MCC: variants seen among roughly 807,000 people sequenced by gnomAD.
MCC encodes colorectal mutant cancer protein.
MCC carries 90 observed loss-of-function variants against 116.2 expected under a neutral mutation model. That is an observed-to-expected ratio of 0.77 (90% CI 0.65 to 0.92). MCC has a LOEUF of 0.92. Ranked by LOEUF, MCC falls within the 40% of genes least tolerant of loss-of-function variation. The pLI, the probability that MCC is intolerant of heterozygous loss-of-function variation, is 0.00. For missense variants in MCC, 1,516 were observed against 1,312.2 expected (o/e 1.16, Z -2.40); for synonymous variants, 578 against 510.5 (o/e 1.13, Z -1.78).
chr5:113,205,477 G>T (rs1762877846), intron 3 of MCC, among the ~76,000 whole-genome samples: 1 of 152,176 alleles, frequency 6.6e-6, no homozygotes, highest in South Asian at 2.1e-4. Flanking sequence ...GTCCCTTGTG[G>T]GGCTTCCCTT....
intron 3 of MCC, among the ~76,000 whole-genome samples, chr5:113,218,917 T>C (rs932793594): frequency 1.3e-5 from 2 of 152,242 alleles, no homozygotes; most frequent in Non-Finnish European, 2.9e-5. Flanking sequence ...TAGAAGAATA[T>C]CCACAGAAAT....
chr5:113,234,976 C>T (rs1489840416), intron 3 of MCC, among the ~76,000 whole-genome samples: 1 of 152,152 alleles, frequency 6.6e-6, no homozygotes, highest in Non-Finnish European at 1.5e-5. Flanking sequence ...AGGTGGTAAC[C>T]TCAGTCTTCT....
intron 2 of MCC, among the ~76,000 whole-genome samples, chr5:113,372,821 T>C (rs1431120362): frequency 6.6e-6 from 1 of 152,028 alleles, no homozygotes; most frequent in African/African-American, 2.4e-5. Context: ...CCTCCCAAAG[T>C]GATGGGATTA....
intron 3 of MCC, among the ~76,000 whole-genome samples, chr5:113,330,947 C>G (rs991560458): frequency 6.6e-6 from 1 of 152,184 alleles, no homozygotes; most frequent in Non-Finnish European, 1.5e-5. Flanking sequence ...TCAGGTCCTA[C>G]ACATGGACCT....
chr5:113,075,723 G>A (rs1029223147), intron 11 of MCC, among the ~76,000 whole-genome samples: 15 of 152,206 alleles, frequency 9.9e-5, no homozygotes, highest in Admixed American at 2.0e-4. Flanking sequence ...CAGGCTGCCC[G>A]AGCCAGCAGC....
intron 8 of MCC, among the ~76,000 whole-genome samples, chr5:113,095,771 G>A (rs756455200): frequency 3.3e-5 from 5 of 152,072 alleles, no homozygotes; most frequent in Admixed American, 2.0e-4. Context: ...AGTAAGTCCC[G>A]CTTTGCCTTT....
intron 3 of MCC, among the ~76,000 whole-genome samples, chr5:113,218,580 C>G (rs1439663317): frequency 6.6e-6 from 1 of 152,170 alleles, no homozygotes; most frequent in Non-Finnish European, 1.5e-5. Flanking sequence ...AACTTCATAA[C>G]ACCAAAGTAC....
chr5:113,230,899 CT>C (rs1477716304), intron 3 of MCC, among the ~76,000 whole-genome samples: 1 of 152,130 alleles, frequency 6.6e-6, no homozygotes, highest in Non-Finnish European at 1.5e-5. Flanking sequence ...TATCTCAATT[CT>C]TATTATCATG....
intron 2 of MCC, among the ~76,000 whole-genome samples, chr5:113,348,697 A>G (rs1231616636): frequency 6.6e-6 from 1 of 152,066 alleles, no homozygotes; most frequent in African/African-American, 2.4e-5. Flanking sequence ...GGAAAAAATA[A>G]TTATAAAGAT....
intron 3 of MCC, among the ~76,000 whole-genome samples, chr5:113,206,331 C>T (rs1376365124): frequency 3.3e-5 from 5 of 152,166 alleles, no homozygotes; most frequent in African/African-American, 1.2e-4. Context: ...TAATATATAC[C>T]ATAGAACCTT....
intron 3 of MCC, among the ~76,000 whole-genome samples, chr5:113,286,102 T>C (rs1262117333): frequency 1.3e-5 from 2 of 152,222 alleles, no homozygotes; most frequent in Non-Finnish European, 2.9e-5. Context: ...TCAACTTTAC[T>C]CTGTCTCTGC....
rs144906009 is a variant in MCC, at chr5:113,123,415, AAG to A, written c.885-591_885-590del. Among the ~76,000 whole-genome samples the A allele has an allele frequency of 1.5e-3, 236 of 152,336 alleles. 1 individual carries two copies. Among genetic ancestry groups the A allele is most frequent in the African/African-American group, 5.4e-3 (226 of 41,580 alleles). The stretch of plus-strand genomic sequence containing the variant: ...AAAGTAGGTAGAACTAGGGGGTAGG[AAG>A]AGAGGATGCAATGAGGAGAAAACAG... On this transcript the variant is annotated intron_variant, in intron 5 of 18. Coordinates refer to ENST00000408903, the MANE Select transcript of MCC (RefSeq NM_001085377.2).
chr5:113,202,099 T>C (rs1326108173), intron 3 of MCC, among the ~76,000 whole-genome samples: 3 of 152,130 alleles, frequency 2.0e-5, no homozygotes, highest in South Asian at 2.1e-4. Flanking sequence ...CCAGCCTCCA[T>C]TACAAATTTC....
chr5:113,081,583 G>A (rs956234446), intron 11 of MCC, among the ~76,000 whole-genome samples: 1 of 152,046 alleles, frequency 6.6e-6, no homozygotes, highest in African/African-American at 2.4e-5. Flanking sequence ...ACTAAATCGA[G>A]GTCCCCCTGA....
intron 5 of MCC, among the ~76,000 whole-genome samples, chr5:113,134,075 T>G (rs964005306): frequency 1.3e-5 from 2 of 152,238 alleles, no homozygotes; most frequent in African/African-American, 4.8e-5. Context: ...AGCTTTTTAG[T>G]TTGATGTAAT....
chr5:113,475,621 T>A (rs1561591884), intron 1 of MCC, among the ~76,000 whole-genome samples: 1 of 152,210 alleles, frequency 6.6e-6, no homozygotes, highest in East Asian at 1.9e-4. Context: ...ACTCTGAGAC[T>A]AAGAATTAAA....
At chr5:113,341,779 G>T (rs1357592380) in intron 2 of MCC, among the ~76,000 whole-genome samples, 1 of 152,168 alleles carries the variant, frequency 6.6e-6, no homozygotes, top group Non-Finnish European at 1.5e-5. Context: ...CAGAAGAGGT[G>T]TCTGCTCATC....
chr5:113,457,154 G>C (rs1771582011), intron 1 of MCC, among the ~76,000 whole-genome samples: 1 of 152,210 alleles, frequency 6.6e-6, no homozygotes, highest in Non-Finnish European at 1.5e-5. Context: ...GGGAGAGGCG[G>C]GAGCGGGAAC....
chr5:113,165,435 CTTTT>C (rs962598565), intron 3 of MCC, among the ~76,000 whole-genome samples: 1 of 152,136 alleles, frequency 6.6e-6, no homozygotes, highest in Admixed American at 6.5e-5. Flanking sequence ...TGACTTATTC[CTTTT>C]TTGTCCCCTT....
Sources: allele counts gnomAD v4.1 joint callset (sites outside exome capture counted in the v4.1 genomes callset), GRCh38; gene constraint gnomAD v4.1.1; transcripts MANE v1.5; gene names NCBI Gene and HGNC (gene_info 2026-07-23, HGNC 2026-07-21).